The following SLC4A3 variants were observed in gnomAD, a reference collection of about 807,000 sequenced individuals.
The protein encoded by SLC4A3 is anion exchange protein 3.
SLC4A3 carries 47 observed loss-of-function variants against 114.2 expected under a neutral mutation model. The observed-to-expected ratio is 0.41, with a 90% CI of 0.33 to 0.52. The LOEUF is 0.52. Among genes scored for constraint, SLC4A3 ranks in the 20% least tolerant of loss-of-function variants. The pLI, the probability that SLC4A3 is intolerant of heterozygous loss-of-function variation, is 0.21. For missense variants in SLC4A3, 1,312 were observed against 1,668.3 expected, an observed-to-expected ratio of 0.79 and a Z score of 3.72; for synonymous variants, 693 against 710.3, an observed-to-expected ratio of 0.98 and a Z score of 0.39.
At chr2:219,629,093 G>C (rs1698822807) in intron 3 of SLC4A3, 51 bp from the exon 4 acceptor site, 2 of 1,520,564 alleles carry the variant, frequency 1.3e-6, no homozygotes, top group African/African-American at 2.8e-5. Flanking sequence ...CGGGTGGGGA[G>C]GGCCCCTGTT....
In SLC4A3 at chr2:219,641,890, G is replaced by A. The variant is rs560286283; in HGVS notation, c.*162G>A. 1.6e-5 allele frequency: 10 copies of A among 611,188 alleles called. No homozygotes were observed. Among genetic ancestry groups the A allele is most frequent in the East Asian group, 8.4e-5 (3 of 35,798 alleles). 37.9% of individuals were successfully genotyped at this position (611,188 alleles called of 1,614,324 possible). On this transcript the variant is annotated 3_prime_UTR_variant, in exon 23 of 23. Coordinates refer to ENST00000358055, the MANE Select transcript of SLC4A3 (RefSeq NM_005070.4). This position sits in a 1 kb window ranked among gnomAD's most constrained non-coding sequence, Gnocchi z 4.0. Reference sequence around the variant, plus strand: ...AGAGTGGCCCCCCTGACTTCTGCCCGGGGTGTTGACCTCGCCTCACCTTTC... The same window carrying A: ...AGAGTGGCCCCCCTGACTTCTGCCCAGGGTGTTGACCTCGCCTCACCTTTC...
intron 12 of SLC4A3, among the ~76,000 whole-genome samples, 161 bp from the exon 13 acceptor site, chr2:219,635,110 G>A (rs951227732): frequency 5.3e-5 from 8 of 152,080 alleles, no homozygotes; most frequent in Admixed American, 5.2e-4. Context: ...TGCAGGGATG[G>A]GTGTCAGTGT....
chr2:219,633,688 A>G (rs904415091), intron 10 of SLC4A3, among the ~76,000 whole-genome samples, 192 bp from the exon 11 acceptor site: 1 of 152,200 alleles, frequency 6.6e-6, no homozygotes, highest in Non-Finnish European at 1.5e-5. Context: ...GATAAGGCTG[A>G]GGTGGTAGTT....
At position 219,632,309 on chromosome 2, in the gene SLC4A3, C is replaced by T; in HGVS notation, c.1008C>T (p.Pro336=). 1 of 1,614,104 alleles carries T rather than the reference C, an allele frequency of 6.2e-7. No individual in the cohort carries two copies. The highest frequency in any genetic ancestry group is 8.5e-7 in the Non-Finnish European group (1 of 1,180,030). The part of the protein sequence containing the change: ...NELMLDRSQE[P]HWRETARWIK... Reference sequence around the variant, plus strand: ...TGATGCTGGACCGCAGCCAGGAGCCCCACTGGCGGGAGACGGCCCGCTGGA... The same window carrying T: ...TGATGCTGGACCGCAGCCAGGAGCCTCACTGGCGGGAGACGGCCCGCTGGA... Residue 336 remains proline, a synonymous_variant, in exon 8 of 23, where the codon CCC becomes CCT. Coordinates refer to ENST00000358055, the MANE Select transcript of SLC4A3 (RefSeq NM_005070.4).
At chr2:219,640,720 C>T in intron 21 of SLC4A3, 69 bp from the exon 22 acceptor site, 1 of 1,575,716 alleles carries the variant, frequency 6.3e-7, no homozygotes, top group Non-Finnish European at 8.6e-7. Context: ...GAGCCAAATT[C>T]CCCACGATGT....
In SLC4A3 at chr2:219,636,697, C is replaced by T. The variant is rs745732119; in HGVS notation, c.2358C>T (p.Asp786=). ...EAFFKFCRAQ[D]LEYLTGRVWV... The stretch of plus-strand genomic sequence containing the variant: ...CCACCTAGTTCTGCCGAGCCCAGGA[C>T]CTGGAGTACCTCACTGGCCGGGTGT... The change falls in exon 16 of 23, where the codon GAC becomes GAT. Residue 786 remains aspartate, a synonymous_variant. Coordinates refer to ENST00000358055, the MANE Select transcript of SLC4A3 (RefSeq NM_005070.4). The surrounding 1 kb of genome is among the most constrained non-coding windows in gnomAD (Gnocchi z 5.5). 2 of 1,613,842 alleles carry T rather than the reference C, an allele frequency of 1.2e-6. No individual in the cohort carries two copies. Among genetic ancestry groups the T allele is most frequent in the Non-Finnish European group, 1.7e-6 (2 of 1,179,856 alleles).
rs775719287 is a variant in SLC4A3 at position 219,640,967 on chromosome 2, G to C, written c.3621+5G>C. ...CAGGACAGGGAGCTGCAGGCGGTAA[G>C]GGGGTGGTGGTCTGGGGAAACAGTG... On this transcript the variant is annotated splice_donor_5th_base_variant and intron_variant, in intron 22 of 22. Coordinates refer to ENST00000358055, the MANE Select transcript of SLC4A3 (RefSeq NM_005070.4). 6.2e-7 allele frequency: 1 copy of C among 1,603,414 alleles called. No homozygotes were observed. Among genetic ancestry groups the C allele is most frequent in the South Asian group, 1.1e-5 (1 of 91,020 alleles).
rs780043293 is a variant in SLC4A3 at position 219,635,752 on chromosome 2, G to T, written c.2052G>T (p.Gly684=). The T allele has an allele frequency of 1.9e-5, 30 of 1,595,140 alleles. No homozygotes were observed. The highest frequency in any genetic ancestry group is 9.2e-5 in the Admixed American group (5 of 54,602). ...TGCGGACGGGCTCGGTATTTGGGGGGCTTGTGCGGGATGTGAGGCGCCGGT... is the reference window on the plus strand; with the variant it reads ...TGCGGACGGGCTCGGTATTTGGGGGTCTTGTGCGGGATGTGAGGCGCCGGT... ...PLLRTGSVFG[G]LVRDVRRRYP... is the part of the protein sequence containing the mutation. The change falls in exon 14 of 23, where the codon GGG becomes GGT. Residue 684 remains glycine (G), a synonymous_variant. Transcript: ENST00000358055.
chr2:219,629,124 C>A lies in SLC4A3; in HGVS notation c.218-20C>A, dbSNP rs373494156. Reference sequence around the variant, plus strand: ...CTGTTTCTGCTGTGGGGGCCTCAACCGGATCTCCTGCACCCCCAGTTCACC... The same window carrying A: ...CTGTTTCTGCTGTGGGGGCCTCAACAGGATCTCCTGCACCCCCAGTTCACC... On this transcript the variant is annotated intron_variant, in intron 3 of 22. Coordinates refer to ENST00000358055, the MANE Select transcript of SLC4A3 (RefSeq NM_005070.4). 9.0e-6 allele frequency: 14 copies of A among 1,553,090 alleles called. No individual in the cohort carries two copies. Among genetic ancestry groups the A allele is most frequent in the Non-Finnish European group, 1.2e-5 (14 of 1,149,536 alleles).
At position 219,638,168 on chromosome 2, in the gene SLC4A3, G is replaced by C. The variant is rs1362307196; in HGVS notation, c.2771G>C (p.Arg924Pro). 6.2e-7 allele frequency: 1 copy of C among 1,610,954 alleles called. No individual in the cohort carries two copies. The highest frequency in any genetic ancestry group is 1.3e-5 in the African/African-American group (1 of 74,864). ...CCCCAACTGGCCCCTCTCAAGGCTC[G>C]TCGCATCATCGGGGACTTTGGCATC... Reference protein sequence around the residue: ...RNSRFLGGKARRIIGDFGIPI... With the variant: ...RNSRFLGGKAPRIIGDFGIPI... The change falls in exon 18 of 23, where the codon CGT (arginine) becomes CCT (proline). Residue 924 changes from arginine to proline, a missense_variant. Arg to Pro is a moderately radical substitution (Grantham distance 103, BLOSUM62 -2). This residue lies in a region of SLC4A3 where 301 missense variants were observed against 460.7 expected (regional missense o/e 0.65). Coordinates refer to ENST00000358055, the MANE Select transcript of SLC4A3 (RefSeq NM_005070.4). This position sits in a 1 kb window ranked among gnomAD's most constrained non-coding sequence, Gnocchi z 7.5.
At position 219,628,624 on chromosome 2, in the gene SLC4A3, C is replaced by T. The variant is rs962450878; in HGVS notation, c.217+54C>T. ...CCGCCCTCGCCACCATCACCTTCAT[C>T]GCCACCATCACCGCGCTCACCTCCG... is the stretch of plus-strand genomic sequence containing the variant. On this transcript the variant is annotated intron_variant, in intron 3 of 22. Transcript: ENST00000358055. This position sits in a 1 kb window ranked among gnomAD's most constrained non-coding sequence, Gnocchi z 4.8. 2.4e-5 allele frequency: 37 copies of T among 1,572,242 alleles called. No homozygotes were observed. The highest frequency in any genetic ancestry group is 1.9e-4 in the African/African-American group (14 of 73,652).
chr2:219,634,361 C>T, intron 11 of SLC4A3, 59 bp from the exon 12 acceptor site: 1 of 1,564,252 alleles, frequency 6.4e-7, no homozygotes, highest in Non-Finnish European at 8.8e-7. Context: ...ATAGCTGCCC[C>T]AGGGCCTGCC....
In SLC4A3 at chr2:219,639,457, C is replaced by T. The variant is rs745813743; in HGVS notation, c.3024-25C>T. On this transcript the variant is annotated intron_variant, in intron 19 of 22. Coordinates refer to ENST00000358055, the MANE Select transcript of SLC4A3 (RefSeq NM_005070.4). This position sits in a 1 kb window ranked among gnomAD's most constrained non-coding sequence, Gnocchi z 5.9. The stretch of plus-strand genomic sequence containing the variant: ...CCTGCCCCTGCCAGGCCAGCCACAC[C>T]CCGCTCCCCACCTTCTCCCTGCAGG... The T allele has an allele frequency of 3.1e-6, 5 of 1,605,424 alleles. No individual in the cohort carries two copies. The South Asian group carries it at 4.4e-5, about 14-fold the overall frequency.
chr2:219,635,529 C>T (rs1699085902), intron 13 of SLC4A3, 33 bp downstream of exon 13: 3 of 1,536,664 alleles, frequency 2.0e-6, no homozygotes, highest in East Asian at 4.8e-5. Context: ...GCCCCCAATA[C>T]ACACTCCCCC....
chr2:219,638,372 A>G lies in SLC4A3; in HGVS notation c.2856+119A>G. The G allele has an allele frequency of 1.2e-6, 1 of 828,606 alleles. No individual in the cohort carries two copies. The highest frequency in any genetic ancestry group is 2.0e-6 in the Non-Finnish European group (1 of 512,130). The allele number at this position is 828,606 out of a possible 1,614,324, so 51.3% of individuals were successfully genotyped here. ...GGCCTGAACTCAACTTTCCCAGTGG[A>G]GTGGCCGCCCTGGGGGCTGAGGGCC... On this transcript the variant is annotated intron_variant, in intron 18 of 22. Transcript: ENST00000358055. The surrounding 1 kb of genome is among the most constrained non-coding windows in gnomAD (Gnocchi z 7.5).
Position 219,632,025 on chromosome 2 carries a change from G to A in SLC4A3, c.869G>A (p.Arg290Gln). ...VRRHLVKKPSRTQGGRGSPSG... is the reference protein window; with the variant it reads ...VRRHLVKKPSQTQGGRGSPSG... Reference sequence around the variant, plus strand: ...CGACACTTAGTGAAAAAGCCCTCCCGGACGCAGGGCGGGAGGGGCAGTCCC... The same window carrying A: ...CGACACTTAGTGAAAAAGCCCTCCCAGACGCAGGGCGGGAGGGGCAGTCCC... Residue 290 changes from arginine (R) to glutamine (Q), a missense_variant, in exon 7 of 23, where the codon CGG (arginine) becomes CAG (glutamine). By Grantham distance (43) the Arg-to-Gln change is conservative. This residue lies in a region of SLC4A3 where 771 missense variants were observed against 977.7 expected (regional missense o/e 0.79). Coordinates refer to ENST00000358055, the MANE Select transcript of SLC4A3 (RefSeq NM_005070.4). 6.8e-6 allele frequency: 11 copies of A among 1,613,484 alleles called. No individual in the cohort carries two copies. The highest frequency in any genetic ancestry group is 1.3e-5 in the African/African-American group (1 of 74,942).
Position 219,641,060 on chromosome 2 carries a change from T to A in SLC4A3, c.3621+98T>A. ...CCACTAGTTGTGTTAGTTGTGAAAC[T>A]TGTGTAACTTGTGTTGCAAGTTATC... On this transcript the variant is annotated intron_variant, in intron 22 of 22. Coordinates refer to ENST00000358055, the MANE Select transcript of SLC4A3 (RefSeq NM_005070.4). The surrounding 1 kb of genome is among the most constrained non-coding windows in gnomAD (Gnocchi z 4.0). 8.7e-7 allele frequency: 1 copy of A among 1,146,920 alleles called. No individual in the cohort carries two copies. The highest frequency in any genetic ancestry group is 1.2e-6 in the Non-Finnish European group (1 of 809,000). The allele number at this position is 1,146,920 out of a possible 1,614,324, so 71.0% of individuals were successfully genotyped here.
At chr2:219,629,049 T>A in intron 3 of SLC4A3, 95 bp from the exon 4 acceptor site, 1 of 1,428,612 alleles carries the variant, frequency 7.0e-7, no homozygotes, top group Non-Finnish European at 9.2e-7. Context: ...AGGGTGCCCT[T>A]GTTTGCGGCC....
chr2:219,632,627 T>G (rs934178014), intron 8 of SLC4A3, among the ~76,000 whole-genome samples, 185 bp downstream of exon 8: 1 of 152,246 alleles, frequency 6.6e-6, no homozygotes, highest in Non-Finnish European at 1.5e-5. Context: ...ATCTGGTGCA[T>G]GCAGTCAGTC....
Sources: allele counts gnomAD v4.1 joint callset (sites outside exome capture counted in the v4.1 genomes callset), GRCh38; gene constraint gnomAD v4.1.1; regional missense constraint gnomAD v4.1.1; non-coding constraint Gnocchi (gnomAD v3.1); transcripts MANE v1.5; gene names NCBI Gene and HGNC (gene_info 2026-07-23, HGNC 2026-07-21).